Variants in ARSG observed in about 807,000 individuals in gnomAD.
ARSG encodes the protein ASG.
In ARSG, 37 loss-of-function variants were observed where a neutral mutation model predicts 50.5. The observed-to-expected ratio is 0.73, with a 90% confidence interval of 0.56 to 0.96. ARSG has a LOEUF of 0.96. Ranked by LOEUF, ARSG falls within the 50% of genes least tolerant of loss-of-function variation. The pLI is 0.00. For synonymous variants in ARSG, 225 were observed against 254.6 expected, an observed-to-expected ratio of 0.88 and a Z score of 1.11; for missense variants, 629 against 675.3, an observed-to-expected ratio of 0.93 and a Z score of 0.76.
chr17:68,450,961 C>T, the ARSG span: 5 of 1,554,840 alleles, frequency 3.2e-6, no homozygotes, highest in African/African-American at 4.1e-5. Flanking sequence ...TTCCAGCCTC[C>T]ATGACACTGG....
At chr17:68,321,231 A>G (rs923469153) in intron 2 of ARSG, among the ~76,000 whole-genome samples, 1 of 152,222 alleles carries the variant, frequency 6.6e-6, no homozygotes, top group Non-Finnish European at 1.5e-5. Context: ...GGATTAATGA[A>G]TGAATGAGTA....
At chr17:68,450,434 G>C in the ARSG span, among the ~76,000 whole-genome samples, 1 of 152,198 alleles carries the variant, frequency 6.6e-6, no homozygotes, top group Non-Finnish European at 1.5e-5. Context: ...GTCCAAGCCA[G>C]AGCTCTGACC....
chr17:68,371,746 TAAG>T (rs1437462084), intron 8 of ARSG, among the ~76,000 whole-genome samples: 2 of 152,148 alleles, frequency 1.3e-5, no homozygotes, highest in East Asian at 1.9e-4. Flanking sequence ...AAGTGTCTAG[TAAG>T]AAGATAGTGC....
At chr17:68,391,186 T>C (rs960915933) in intron 9 of ARSG, among the ~76,000 whole-genome samples, 1 of 152,106 alleles carries the variant, frequency 6.6e-6, no homozygotes, top group Non-Finnish European at 1.5e-5. Context: ...CTTCAAGTTC[T>C]CATGTAGGCT....
At chr17:68,444,503 T>G in the ARSG span, 1 of 1,613,882 alleles carries the variant, frequency 6.2e-7, no homozygotes, top group Non-Finnish European at 8.5e-7. Context: ...CTGTTGGGTT[T>G]GCAGGAATAT....
intron 11 of ARSG, among the ~76,000 whole-genome samples, chr17:68,411,407 A>G (rs369993575): frequency 6.6e-6 from 1 of 152,242 alleles, no homozygotes; most frequent in Non-Finnish European, 1.5e-5. Context: ...GGAGCAGGTT[A>G]TTCAGTTTCC....
intron 6 of ARSG, chr17:68,359,801 G>C (rs1273951266): frequency 1.3e-5 from 2 of 152,186 alleles, no homozygotes; most frequent in Non-Finnish European, 2.9e-5. Context: ...GCTCCTAAGG[G>C]CTTCAGAAAT....
At chr17:68,282,269 A>ACACGTTCTCACTCATAGGTGGGAATTG (rs1555753037) in intron 1 of ARSG, among the ~76,000 whole-genome samples, 2 of 151,386 alleles carry the variant, frequency 1.3e-5, no homozygotes, top group Non-Finnish European at 2.9e-5. Flanking sequence ...AACAAACACC[A>ACACGTTCTCACTCATAGGTGGGAATTG]CACGTTCTCA....
intron 8 of ARSG, among the ~76,000 whole-genome samples, chr17:68,382,141 G>A (rs139078453): frequency 0.019 from 2,876 of 152,120 alleles, 68 homozygotes; most frequent in African/African-American, 0.052. Flanking sequence ...AGTAGAGATG[G>A]GGTTTCACCA....
intron 9 of ARSG, among the ~76,000 whole-genome samples, chr17:68,394,544 G>T (rs114699001): frequency 6.6e-6 from 1 of 152,150 alleles, no homozygotes. Flanking sequence ...AGTCAGACGA[G>T]TATTACTTCA....
At chr17:68,307,881 GCCATCTAGCACCCAT>G (rs1555765036) in intron 2 of ARSG, among the ~76,000 whole-genome samples, 170 bp downstream of exon 2, 1 of 152,120 alleles carries the variant, frequency 6.6e-6, no homozygotes, top group East Asian at 1.9e-4. Flanking sequence ...AAGAAATCCA[GCCATCTAGCACCCAT>G]CCATCTATCT....
chr17:68,301,447 T>C (rs1219967594), intron 1 of ARSG, among the ~76,000 whole-genome samples: 1 of 152,166 alleles, frequency 6.6e-6, no homozygotes, highest in Admixed American at 6.5e-5. Context: ...GCCCAGGTGG[T>C]GCGAGTACAG....
chr17:68,426,019 G>GAA (rs1568620444), downstream of ARSG: 1 of 1,437,518 alleles, frequency 7.0e-7, no homozygotes, highest in Non-Finnish European at 9.8e-7. Flanking sequence ...ATGAGGCGAA[G>GAA]GTTTCCTTCT....
chr17:68,380,233 CTT>C (rs1290796014), intron 8 of ARSG, among the ~76,000 whole-genome samples: 1 of 151,090 alleles, frequency 6.6e-6, no homozygotes, highest in Non-Finnish European at 1.5e-5. Flanking sequence ...TCCTTTCTCT[CTT>C]TCTTTCTTTC....
At chr17:68,377,489 G>T (rs929923052) in intron 8 of ARSG, among the ~76,000 whole-genome samples, 2 of 152,200 alleles carry the variant, frequency 1.3e-5, no homozygotes, top group South Asian at 4.1e-4. Context: ...TCTTGACTCA[G>T]CTCAGGGCTC....
At chr17:68,372,408 A>C (rs898501056) in intron 8 of ARSG, among the ~76,000 whole-genome samples, 4 of 152,210 alleles carry the variant, frequency 2.6e-5, no homozygotes, top group Admixed American at 2.6e-4. Context: ...ATTGACTCAC[A>C]GTTCTGTAGG....
At chr17:68,385,894 T>C (rs1308648127) in intron 9 of ARSG, among the ~76,000 whole-genome samples, 1 of 152,204 alleles carries the variant, frequency 6.6e-6, no homozygotes, top group African/African-American at 2.4e-5. Flanking sequence ...ATGTCCACTT[T>C]CCCTGGAGGA....
At chr17:68,437,928 C>T in the ARSG span, among the ~76,000 whole-genome samples, 10 of 109,542 alleles carry the variant, frequency 9.1e-5, no homozygotes, top group African/African-American at 2.8e-4. Flanking sequence ...TTTGAGATCA[C>T]GCAAGAGAGA....
At chr17:68,347,931 T>C (rs764616313) in intron 4 of ARSG, among the ~76,000 whole-genome samples, 4 of 152,286 alleles carry the variant, frequency 2.6e-5, no homozygotes, top group South Asian at 2.1e-4. Flanking sequence ...TCTCCCTATC[T>C]CTATGGAAAA....
Sources: gnomAD v4.1 joint callset for allele counts (sites outside exome capture counted in the v4.1 genomes callset) on GRCh38, gnomAD v4.1.1 for gene constraint, MANE v1.5 for transcripts, NCBI Gene and HGNC (gene_info 2026-07-23, HGNC 2026-07-21) for gene names.